Variants in TCF7L2 observed in about 807,000 individuals in gnomAD.
TCF7L2 encodes the protein transcription factor 7 like 2.
A neutral mutation model predicts 77.9 loss-of-function variants in TCF7L2; 23 were observed. That is an observed-to-expected ratio of 0.30 (90% confidence interval 0.21 to 0.42). The LOEUF is 0.42. Ranked by LOEUF, TCF7L2 falls within the 10% of genes least tolerant of loss-of-function variation. The probability of loss-of-function intolerance (pLI) is 1.00; values close to 1 mark genes in which losing one functional copy is unlikely to be tolerated. For synonymous variants in TCF7L2, 413 were observed against 340.2 expected, an observed-to-expected ratio of 1.21 and a Z score of -2.36; for missense variants, 654 against 793.1, an observed-to-expected ratio of 0.82 and a Z score of 2.11.
chr10:113,093,416 G>T (rs2060605217), intron 5 of TCF7L2, among the ~76,000 whole-genome samples: 1 of 152,182 alleles, frequency 6.6e-6, no homozygotes, highest in Non-Finnish European at 1.5e-5. Context: ...TCTTCCACTT[G>T]TTCAGGGAGA....
Position 113,102,111 on chromosome 10 carries a change from CAAAAAAAAAAAAAAAAAAA to C in TCF7L2, c.553-39060_553-39042del, listed in dbSNP as rs139047649. On this transcript the variant is annotated intron_variant, in intron 5 of 13. Transcript: ENST00000627217. ...CCTGGGTGACAGAGCGTGACTCCATCAAAAAAAAAAAAAAAAAAAAAAAAAAAAAAAGTGAGAAAGAATG... is the reference window on the plus strand; with the variant it reads ...CCTGGGTGACAGAGCGTGACTCCATCAAAAAAAAAAAAGTGAGAAAGAATG... Among the ~76,000 whole-genome samples the C allele has an allele frequency of 6.9e-3, 492 of 71,776 alleles. 7 individuals carry two copies. Among genetic ancestry groups the C allele is most frequent in the Admixed American group, 0.031 (178 of 5,750 alleles). The allele number at this position is 71,776 out of a possible 152,430, so 47.1% of individuals were successfully genotyped here.
chr10:113,071,132 G>C (rs1003168335), intron 5 of TCF7L2, among the ~76,000 whole-genome samples: 1 of 152,080 alleles, frequency 6.6e-6, no homozygotes, highest in Non-Finnish European at 1.5e-5. Context: ...TGGCCTTCTG[G>C]AACTCACTGT....
intron 4 of TCF7L2, among the ~76,000 whole-genome samples, chr10:113,012,973 C>T (rs902614093): frequency 3.9e-5 from 6 of 152,232 alleles, no homozygotes; most frequent in African/African-American, 4.8e-5. Context: ...GGGGTCTTCT[C>T]GCCTGGTGCA....
At chr10:112,959,339 G>A (rs779890783) in intron 3 of TCF7L2, among the ~76,000 whole-genome samples, 2 of 152,134 alleles carry the variant, frequency 1.3e-5, no homozygotes, top group African/African-American at 2.4e-5. Context: ...TTCCCCAAAT[G>A]TGAGTAGGTG....
chr10:112,971,565 C>A (rs552849821), intron 4 of TCF7L2, among the ~76,000 whole-genome samples: 2 of 151,676 alleles, frequency 1.3e-5, no homozygotes, highest in Non-Finnish European at 2.9e-5. Flanking sequence ...CTGCCTTGGC[C>A]TCCCAAAGTG....
At chr10:113,022,321 T>C (rs1245231804) in intron 4 of TCF7L2, among the ~76,000 whole-genome samples, 1 of 152,214 alleles carries the variant, frequency 6.6e-6, no homozygotes, top group African/African-American at 2.4e-5. Flanking sequence ...ATCAGAATTC[T>C]GCTGGGCTTG....
At chr10:113,097,777 C>G (rs545322488) in intron 5 of TCF7L2, among the ~76,000 whole-genome samples, 1 of 150,900 alleles carries the variant, frequency 6.6e-6, no homozygotes, top group East Asian at 2.0e-4. Context: ...CATGGCCAGA[C>G]GCAGTGGCTC....
chr10:113,048,226 A>G (rs998635179), intron 5 of TCF7L2, among the ~76,000 whole-genome samples: 4 of 152,152 alleles, frequency 2.6e-5, no homozygotes, highest in African/African-American at 4.8e-5. Context: ...AGCTACACTC[A>G]TGGTTTTGAC....
chr10:112,959,264 C>T (rs1478399461), intron 3 of TCF7L2, among the ~76,000 whole-genome samples: 3 of 152,080 alleles, frequency 2.0e-5, no homozygotes, highest in Non-Finnish European at 4.4e-5. Flanking sequence ...CTTGAAGCGA[C>T]TTTTTCCCCT....
intron 4 of TCF7L2, among the ~76,000 whole-genome samples, chr10:112,997,047 C>T (rs73358232): frequency 0.045 from 6,878 of 152,272 alleles, 475 homozygotes; most frequent in African/African-American, 0.16. Context: ...GCCCAAGTGT[C>T]CTGTTCCCCC....
chr10:113,121,073 GA>G (rs1418149472), intron 5 of TCF7L2, among the ~76,000 whole-genome samples: 5 of 152,162 alleles, frequency 3.3e-5, no homozygotes, highest in Non-Finnish European at 7.3e-5. Flanking sequence ...AAAATGGGGG[GA>G]AAAGGGATTG....
chr10:113,080,247 C>T (rs1389543541), intron 5 of TCF7L2, among the ~76,000 whole-genome samples: 1 of 151,864 alleles, frequency 6.6e-6, no homozygotes, highest in African/African-American at 2.4e-5. Flanking sequence ...ACTCCACACC[C>T]CTTATGCCAT....
intron 5 of TCF7L2, among the ~76,000 whole-genome samples, chr10:113,105,706 A>T (rs533303677): frequency 1.3e-5 from 2 of 152,290 alleles, no homozygotes; most frequent in African/African-American, 4.8e-5. Flanking sequence ...CGAATCACGA[A>T]GATCCTGTCT....
At chr10:113,130,104 A>C in intron 5 of TCF7L2, 1 of 839,718 alleles carries the variant, frequency 1.2e-6, no homozygotes. Flanking sequence ...AGATCATGGG[A>C]AGGAAAAAAC....
intron 5 of TCF7L2, among the ~76,000 whole-genome samples, chr10:113,081,328 G>A (rs2059297828): frequency 6.6e-6 from 1 of 152,242 alleles, no homozygotes; most frequent in South Asian, 2.1e-4. Context: ...CCCAAAGGCT[G>A]CTTGGGAGAA....
intron 5 of TCF7L2, among the ~76,000 whole-genome samples, chr10:113,139,032 G>A (rs1218570272): frequency 6.6e-6 from 1 of 152,158 alleles, no homozygotes; most frequent in Non-Finnish European, 1.5e-5. Flanking sequence ...CGTGGCACTT[G>A]ATCAGTCCTT....
rs781084580 is a variant in TCF7L2, at chr10:113,165,561, A to G, written c.1398A>G (p.Lys466=). ...CTCTCTCCCCTGTTTCTAGGAGAAA[A>G]AAAAAGTGCGTTCGCTACATACAAG... The change falls in exon 14 of 14, where the codon AAA becomes AAG. Residue 466 remains lysine, a synonymous_variant. Coordinates refer to ENST00000627217, the MANE Select transcript of TCF7L2 (RefSeq NM_001146274.2). The G allele has an allele frequency of 3.7e-6, 6 of 1,613,758 alleles. No homozygotes were observed. The highest frequency in any genetic ancestry group is 5.1e-6 in the Non-Finnish European group (6 of 1,179,922).
intron 10 of TCF7L2, 123 bp downstream of exon 10, chr10:113,152,007 TTCTGAA>T (rs1421407125): frequency 7.4e-7 from 1 of 1,353,792 alleles, no homozygotes; most frequent in Non-Finnish European, 9.9e-7. Context: ...TTCAGCCACA[TTCTGAA>T]TCCTTGAATG....
chr10:113,055,968 A>G lies in TCF7L2; in HGVS notation c.552+15842A>G, dbSNP rs557829501. Among the ~76,000 whole-genome samples, 24 of 152,346 alleles carry G rather than the reference A, an allele frequency of 1.6e-4. No individual in the cohort carries two copies. In the South Asian group the frequency reaches 5.0e-3, roughly 32 times the overall value. On this transcript the variant is annotated intron_variant, in intron 5 of 13. Coordinates refer to ENST00000627217, the MANE Select transcript of TCF7L2 (RefSeq NM_001146274.2). The stretch of plus-strand genomic sequence containing the variant: ...TAAGCAAGGGGTTGATTTGTAAACT[A>G]GGCTTTAAATATGATTTTAAGCAAC...
Sources: gnomAD v4.1 joint callset for allele counts (sites outside exome capture counted in the v4.1 genomes callset) on GRCh38, gnomAD v4.1.1 for gene constraint, MANE v1.5 for transcripts, NCBI Gene and HGNC (gene_info 2026-07-23, HGNC 2026-07-21) for gene names.